PCDH15: variants seen among roughly 807,000 people sequenced by gnomAD.
PCDH15 encodes the protein protocadherin related 15.
PCDH15 carries 129 observed loss-of-function variants against 178.5 expected under a neutral mutation model. The ratio of observed to expected loss-of-function variants is 0.72; its 90% CI spans 0.63 to 0.84. The LOEUF is 0.84. Ranked by LOEUF, PCDH15 falls within the 40% of genes least tolerant of loss-of-function variation. PCDH15 has a pLI of 0.00. For missense variants in PCDH15, 2,230 were observed against 2,099.9 expected (o/e 1.06, Z -1.21); for synonymous variants, 800 against 732.0 (o/e 1.09, Z -1.50).
chr10:54,975,392 GCA>G (rs1437028124), intron 2 of PCDH15, among the ~76,000 whole-genome samples: 2 of 152,110 alleles, frequency 1.3e-5, no homozygotes, highest in Admixed American at 1.3e-4. Context: ...AGAGTTGCTG[GCA>G]CATAATAAGG....
chr10:55,458,155 G>A (rs867672782), intron 2 of PCDH15, among the ~76,000 whole-genome samples: 3 of 151,838 alleles, frequency 2.0e-5, no homozygotes, highest in Non-Finnish European at 4.4e-5. Context: ...TATTCCAAAG[G>A]GATCCTTTAA....
chr10:55,426,417 A>G (rs1047886733), intron 2 of PCDH15, among the ~76,000 whole-genome samples: 1 of 152,094 alleles, frequency 6.6e-6, no homozygotes, highest in Non-Finnish European at 1.5e-5. Flanking sequence ...GGAAGGGGTC[A>G]CTCAGGTGAG....
chr10:53,942,254 C>T (rs1188342864), intron 23 of PCDH15, among the ~76,000 whole-genome samples: 1 of 132,502 alleles, frequency 7.5e-6, no homozygotes, highest in African/African-American at 2.5e-5. Flanking sequence ...ATTTAATTTA[C>T]TAGTTTATTT....
At position 54,288,816 on chromosome 10, in the gene PCDH15, C is replaced by T. The variant is rs530533428; in HGVS notation, c.876+28455G>A. Reference sequence around the variant, plus strand: ...GGCAGCAGCCTGGCTGGGGGAGGTGCGTCTGCCATTGCTGAGGCTTGAGTA... The same window carrying T: ...GGCAGCAGCCTGGCTGGGGGAGGTGTGTCTGCCATTGCTGAGGCTTGAGTA... On this transcript the variant is annotated intron_variant, in intron 8 of 37. Transcript: ENST00000644397. Among the ~76,000 whole-genome samples the T allele has an allele frequency of 6.6e-5, 10 of 152,308 alleles. 1 individual carries two copies. Among genetic ancestry groups the T allele is most frequent in the Middle Eastern group, 6.8e-3 (2 of 294 alleles).
chr10:54,339,721 C>T (rs776318722), intron 6 of PCDH15, among the ~76,000 whole-genome samples: 3 of 152,154 alleles, frequency 2.0e-5, no homozygotes, highest in Non-Finnish European at 2.9e-5. Context: ...CATACTATAT[C>T]ACTTTACCAA....
intron 23 of PCDH15, among the ~76,000 whole-genome samples, chr10:53,942,839 T>C (rs1256084644): frequency 1.3e-5 from 2 of 152,194 alleles, no homozygotes; most frequent in Non-Finnish European, 2.9e-5. Flanking sequence ...TATAGGAAAT[T>C]CAAAATGATA....
At chr10:54,445,409 G>A (rs1565295759) in intron 3 of PCDH15, among the ~76,000 whole-genome samples, 1 of 151,414 alleles carries the variant, frequency 6.6e-6, no homozygotes, top group Non-Finnish European at 1.5e-5. Context: ...TGTGCAATAA[G>A]TTTCCACTTA....
At chr10:54,969,349 A>T (rs927836969) in intron 2 of PCDH15, among the ~76,000 whole-genome samples, 6 of 152,186 alleles carry the variant, frequency 3.9e-5, no homozygotes, top group African/African-American at 1.4e-4. Flanking sequence ...CTACTAAGTC[A>T]GACTCCGTCT....
intron 3 of PCDH15, among the ~76,000 whole-genome samples, chr10:54,434,903 G>T (rs1206013293): frequency 6.6e-6 from 1 of 152,152 alleles, no homozygotes. Context: ...GGAGTACCAG[G>T]TATATCACTC....
chr10:55,057,314 A>G (rs1841330295), intron 2 of PCDH15, among the ~76,000 whole-genome samples: 1 of 152,196 alleles, frequency 6.6e-6, no homozygotes, highest in Non-Finnish European at 1.5e-5. Context: ...TTAAGAACAA[A>G]ACAAAATAAA....
At chr10:54,158,252 G>C (rs772060897) in intron 13 of PCDH15, among the ~76,000 whole-genome samples, 1 of 152,168 alleles carries the variant, frequency 6.6e-6, no homozygotes, top group Non-Finnish European at 1.5e-5. Context: ...AAGAAAACAG[G>C]TATTGAAATT....
Position 53,805,323 on chromosome 10 carries a change from A to AATC in PCDH15, c.*1253_*1255dup, listed in dbSNP as rs1226216338. 1 of 152,038 alleles carries AATC rather than the reference A, an allele frequency of 6.6e-6. No individual in the cohort carries two copies. Among genetic ancestry groups the AATC allele is most frequent in the Admixed American group, 6.6e-5 (1 of 15,230 alleles). The allele number at this position is 152,038 out of a possible 1,614,324, so 9.4% of individuals were successfully genotyped here. A position where few individuals can be genotyped will look rare whatever the true frequency, so the allele number is the denominator to read the frequency against. On this transcript the variant is annotated 3_prime_UTR_variant, in exon 38 of 38. Transcript: ENST00000644397. ...ATTCAATAGAATTCTGAATTCTCTT[A>AATC]ATCTATATTGTTTCATTCTTTTTAC...
intron 2 of PCDH15, among the ~76,000 whole-genome samples, chr10:55,397,559 G>A (rs1444492184): frequency 6.6e-6 from 1 of 151,912 alleles, no homozygotes; most frequent in Non-Finnish European, 1.5e-5. Flanking sequence ...TTGTGTTTCT[G>A]TGTTTCATTT....
chr10:55,301,004 T>C (rs1321960243), intron 1 of PCDH15, among the ~76,000 whole-genome samples: 1 of 152,190 alleles, frequency 6.6e-6, no homozygotes, highest in African/African-American at 2.4e-5. Context: ...ATGTACCTTT[T>C]GAAGGACATC....
At chr10:54,302,098 T>G (rs2060182081) in intron 8 of PCDH15, among the ~76,000 whole-genome samples, 2 of 152,134 alleles carry the variant, frequency 1.3e-5, no homozygotes, top group Admixed American at 1.3e-4. Context: ...GTAACAGAAA[T>G]ATATTTAACT....
At chr10:54,069,555 A>AGTT (rs1280318891) in intron 17 of PCDH15, among the ~76,000 whole-genome samples, 6 of 152,276 alleles carry the variant, frequency 3.9e-5, no homozygotes, top group African/African-American at 1.2e-4. Flanking sequence ...AATAATTTCC[A>AGTT]GTTTATATAT....
chr10:55,608,683 A>T (rs1589181326), intron 2 of PCDH15, among the ~76,000 whole-genome samples: 1 of 151,934 alleles, frequency 6.6e-6, no homozygotes, highest in South Asian at 2.1e-4. Flanking sequence ...AGCCGAGGAA[A>T]TGGGAGATCA....
intron 2 of PCDH15, among the ~76,000 whole-genome samples, chr10:55,330,838 ATGTGTGTGTGTGTGTG>A (rs71461291): frequency 6.9e-6 from 1 of 144,614 alleles, no homozygotes; most frequent in East Asian, 2.1e-4. Context: ...AGATTTATTT[ATGTGTGTGTGTGTGTG>A]TGTGTGTGTG....
intron 3 of PCDH15, among the ~76,000 whole-genome samples, chr10:54,406,320 G>GAAAT (rs1163876926): frequency 1.1e-4 from 17 of 151,142 alleles, no homozygotes; most frequent in East Asian, 3.9e-4. Context: ...AAAAGCCACA[G>GAAAT]AAATAAATAA....
Sources: allele counts gnomAD v4.1 joint callset (sites outside exome capture counted in the v4.1 genomes callset), GRCh38; gene constraint gnomAD v4.1.1; transcripts MANE v1.5; gene names NCBI Gene and HGNC (gene_info 2026-07-23, HGNC 2026-07-21).